Variants in DCC observed in about 807,000 individuals in gnomAD.
DCC encodes the protein DCC netrin 1 receptor.
Under a neutral mutation model 172.5 loss-of-function variants are expected in DCC, and 58 were observed. That is an observed-to-expected ratio of 0.34 (90% CI 0.27 to 0.42). DCC has a LOEUF of 0.42. Ranked by LOEUF, DCC falls within the 10% of genes least tolerant of loss-of-function variation. DCC has a pLI of 1.00. For synonymous variants in DCC, 709 were observed against 644.5 expected, an observed-to-expected ratio of 1.10 and a Z score of -1.52; for missense variants, 1,740 against 1,791.0, an observed-to-expected ratio of 0.97 and a Z score of 0.51.
Position 53,513,296 on chromosome 18 carries a change from A to G in DCC, c.4112-13321A>G, listed in dbSNP as rs955364105. 2.2e-3 allele frequency among the ~76,000 whole-genome samples: 335 copies of G among 152,322 alleles called. 3 individuals carry two copies. The highest frequency in any genetic ancestry group is 7.9e-3 in the African/African-American group (328 of 41,576). On this transcript the variant is annotated intron_variant, in intron 27 of 28. Transcript: ENST00000442544. The stretch of plus-strand genomic sequence containing the variant: ...TTGTCACCACCAGGCCTGCCCTAAA[A>G]GAACTCCTGAAGGAAGCGCTAAACA...
chr18:53,472,370 C>A (rs2145192501), intron 25 of DCC, among the ~76,000 whole-genome samples: 1 of 152,228 alleles, frequency 6.6e-6, no homozygotes, highest in Non-Finnish European at 1.5e-5. Context: ...GCTGTCATAC[C>A]CTGTGAAGCT....
intron 5 of DCC, among the ~76,000 whole-genome samples, chr18:53,046,267 A>T (rs1204263680): frequency 6.6e-6 from 1 of 152,020 alleles, no homozygotes; most frequent in East Asian, 1.9e-4. Context: ...ACTGCCTTTG[A>T]GTCACTTTCT....
At chr18:53,097,238 A>G (rs2043100611) in intron 7 of DCC, among the ~76,000 whole-genome samples, 1 of 152,198 alleles carries the variant, frequency 6.6e-6, no homozygotes, top group Admixed American at 6.5e-5. Flanking sequence ...TCTTTAAAGC[A>G]TTGAAAGGTG....
intron 5 of DCC, chr18:52,965,070 G>T (rs151023642): frequency 6.6e-6 from 1 of 152,054 alleles, no homozygotes. Flanking sequence ...GATAATCCAG[G>T]ATATTCTACT....
intron 5 of DCC, among the ~76,000 whole-genome samples, chr18:52,979,336 A>T (rs963735263): frequency 6.6e-6 from 1 of 152,136 alleles, no homozygotes; most frequent in Admixed American, 6.5e-5. Flanking sequence ...AAATAACAGC[A>T]TTTAGGAGTC....
chr18:52,403,411 C>T (rs1043873756), intron 1 of DCC, among the ~76,000 whole-genome samples: 1 of 151,974 alleles, frequency 6.6e-6, no homozygotes, highest in African/African-American at 2.4e-5. Context: ...AAAGAGCTTA[C>T]TCTGGGGCTT....
At chr18:53,293,939 T>C (rs2057035584) in intron 12 of DCC, among the ~76,000 whole-genome samples, 1 of 152,136 alleles carries the variant, frequency 6.6e-6, no homozygotes, top group African/African-American at 2.4e-5. Flanking sequence ...CAGTCATAGA[T>C]TGGGGACCTC....
intron 1 of DCC, among the ~76,000 whole-genome samples, chr18:52,423,674 A>T (rs563618972): frequency 1.3e-5 from 2 of 152,158 alleles, no homozygotes; most frequent in African/African-American, 4.8e-5. Flanking sequence ...TTCAAATCAA[A>T]CTTCTGTAAT....
Position 53,148,865 on chromosome 18 carries a change from C to CTTTTTTTTTTT in DCC, c.1262-8484_1262-8474dup, listed in dbSNP as rs5824990. Among the ~76,000 whole-genome samples, 17 of 109,762 alleles carry CTTTTTTTTTTT rather than the reference C, an allele frequency of 1.5e-4. 1 individual carries two copies. Among genetic ancestry groups the CTTTTTTTTTTT allele is most frequent in the South Asian group, 3.1e-4 (1 of 3,176 alleles). 72.0% of individuals were successfully genotyped at this position (109,762 alleles called of 152,430 possible). ...AAACTAGCTCAGAACTTCCCAATGC[C>CTTTTTTTTTTT]TTTTTTTTTTTTTTTTTGGACAAAG... On this transcript the variant is annotated intron_variant, in intron 7 of 28. Transcript: ENST00000442544.
chr18:52,818,445 AAAG>A (rs2038344228), intron 2 of DCC, among the ~76,000 whole-genome samples: 1 of 150,978 alleles, frequency 6.6e-6, no homozygotes, highest in Admixed American at 6.6e-5. Context: ...AAAAATTTAA[AAAG>A]AAGATGAAAA....
intron 1 of DCC, among the ~76,000 whole-genome samples, chr18:52,736,915 A>G (rs2036739315): frequency 6.6e-6 from 1 of 152,082 alleles, no homozygotes; most frequent in South Asian, 2.1e-4. Flanking sequence ...TGAGATAGAG[A>G]CTGGTATATT....
At chr18:53,368,954 A>G (rs552714906) in intron 15 of DCC, among the ~76,000 whole-genome samples, 1 of 151,930 alleles carries the variant, frequency 6.6e-6, no homozygotes, top group African/African-American at 2.4e-5. Context: ...GTTTTAGATG[A>G]GTTTTCTGTT....
intron 13 of DCC, among the ~76,000 whole-genome samples, chr18:53,308,591 T>C (rs1320930812): frequency 1.3e-5 from 2 of 152,196 alleles, no homozygotes; most frequent in Non-Finnish European, 2.9e-5. Flanking sequence ...CAGTAGAATT[T>C]GCTAGCGTTA....
chr18:52,424,670 G>C (rs1231460875), intron 1 of DCC, among the ~76,000 whole-genome samples: 2 of 152,010 alleles, frequency 1.3e-5, no homozygotes, highest in Non-Finnish European at 2.9e-5. Flanking sequence ...AATTAAGAAA[G>C]TGCCACATTT....
chr18:53,421,891 C>A (rs1242544169), intron 21 of DCC, among the ~76,000 whole-genome samples: 1 of 152,146 alleles, frequency 6.6e-6, no homozygotes, highest in Non-Finnish European at 1.5e-5. Context: ...GTCAATTACT[C>A]TTCTATGCAT....
chr18:52,733,648 C>G (rs902153921), intron 1 of DCC, among the ~76,000 whole-genome samples: 5 of 152,052 alleles, frequency 3.3e-5, no homozygotes, highest in Admixed American at 2.0e-4. Flanking sequence ...CTGTGTACCA[C>G]CACAACTGGC....
intron 1 of DCC, among the ~76,000 whole-genome samples, chr18:52,633,385 C>G (rs900014978): frequency 1.3e-5 from 2 of 152,146 alleles, no homozygotes; most frequent in African/African-American, 4.8e-5. Flanking sequence ...TTATTTCTTT[C>G]TGGAGGAAAG....
chr18:52,648,157 T>C (rs1350515399), intron 1 of DCC, among the ~76,000 whole-genome samples: 2 of 152,212 alleles, frequency 1.3e-5, no homozygotes, highest in African/African-American at 4.8e-5. Context: ...AGTGGTGTAC[T>C]GGAACCAGCT....
chr18:52,807,292 G>A (rs914540303), intron 2 of DCC, among the ~76,000 whole-genome samples: 5 of 152,126 alleles, frequency 3.3e-5, no homozygotes, highest in East Asian at 3.9e-4. Context: ...TCTCTAGCAC[G>A]GTGAGATGCC....
Sources: gnomAD v4.1 joint callset for allele counts (sites outside exome capture counted in the v4.1 genomes callset) on GRCh38, gnomAD v4.1.1 for gene constraint, MANE v1.5 for transcripts, NCBI Gene and HGNC (gene_info 2026-07-23, HGNC 2026-07-21) for gene names.